The following TBC1D1 variants were observed in gnomAD, a reference collection of about 807,000 sequenced individuals.
TBC1D1 encodes TBC1 domain family member 1.
A neutral mutation model predicts 125.6 loss-of-function variants in TBC1D1; 89 were observed. That is an observed-to-expected ratio of 0.71 (90% CI 0.60 to 0.85). The LOEUF is 0.85. Among genes scored for constraint, TBC1D1 ranks in the 40% least tolerant of loss-of-function variants. The pLI is 0.00. For synonymous variants in TBC1D1, 565 were observed against 564.1 expected, an observed-to-expected ratio of 1.00 and a Z score of -0.02; for missense variants, 1,377 against 1,469.2, an observed-to-expected ratio of 0.94 and a Z score of 1.03.
At chr4:37,985,244 C>T (rs1487670462) in intron 2 of TBC1D1, among the ~76,000 whole-genome samples, 2 of 152,148 alleles carry the variant, frequency 1.3e-5, no homozygotes, top group Non-Finnish European at 2.9e-5. Flanking sequence ...TGAGCCACCG[C>T]GCCCAGCCTA....
intron 15 of TBC1D1, among the ~76,000 whole-genome samples, chr4:38,107,567 G>A (rs1180946624): frequency 1.7e-5 from 2 of 119,616 alleles, no homozygotes; most frequent in East Asian, 5.2e-4. Flanking sequence ...TTGGCTTTTA[G>A]TCTAAACAGG....
At chr4:37,964,149 T>C (rs192412232) in intron 2 of TBC1D1, among the ~76,000 whole-genome samples, 302 of 152,398 alleles carry the variant, frequency 2.0e-3, no homozygotes, top group Non-Finnish European at 3.7e-3. Flanking sequence ...AATGAATTAC[T>C]GCAATGGTGA....
At chr4:38,036,168 T>C (rs1560664135) in intron 8 of TBC1D1, among the ~76,000 whole-genome samples, 2 of 152,186 alleles carry the variant, frequency 1.3e-5, no homozygotes, top group African/African-American at 2.4e-5. Flanking sequence ...GGTTAGAACT[T>C]GGATTAATTC....
rs536170282 is a variant in TBC1D1 at position 37,960,514 on chromosome 4, A to G, written c.418-53995A>G. ...GCTGCCAAGGATGTGCTGAAGCTGG[A>G]GTCTAGACCTTCAATCAAAGCATTA... On this transcript the variant is annotated intron_variant, in intron 2 of 19. Transcript: ENST00000261439. 1.9e-4 allele frequency: 300 copies of G among 1,614,144 alleles called. No homozygotes were observed. The highest frequency in any genetic ancestry group is 2.4e-4 in the Non-Finnish European group (284 of 1,180,024).
chr4:37,961,359 TC>T (rs35155333), intron 2 of TBC1D1, among the ~76,000 whole-genome samples: 94,987 of 151,428 alleles, frequency 0.63, 30,593 homozygotes, highest in East Asian at 0.96. Flanking sequence ...CTTAAGGAGG[TC>T]CTAGCAGCAA....
chr4:37,976,482 G>C (rs558818611), intron 2 of TBC1D1, among the ~76,000 whole-genome samples: 9 of 152,142 alleles, frequency 5.9e-5, no homozygotes, highest in African/African-American at 2.2e-4. Context: ...CAGATATTTA[G>C]GGAACAACAT....
At chr4:37,913,645 G>C (rs183517567) in intron 2 of TBC1D1, among the ~76,000 whole-genome samples, 3 of 151,448 alleles carry the variant, frequency 2.0e-5, no homozygotes, top group Non-Finnish European at 4.4e-5. Context: ...ATATATGTGT[G>C]TGTGTGTGTA....
At chr4:37,980,101 C>A (rs1056906258) in intron 2 of TBC1D1, among the ~76,000 whole-genome samples, 1 of 152,160 alleles carries the variant, frequency 6.6e-6, no homozygotes, top group Non-Finnish European at 1.5e-5. Context: ...GTTTTTCTTG[C>A]ACGATGCATT....
Position 37,967,101 on chromosome 4 carries a change from G to A in TBC1D1, c.418-47408G>A, listed in dbSNP as rs1304517252. Among the ~76,000 whole-genome samples the A allele has an allele frequency of 2.0e-5, 3 of 152,170 alleles. No homozygotes were observed. In the South Asian group the frequency reaches 6.2e-4, roughly 32 times the overall value. Reference sequence around the variant, plus strand: ...CTGTGCAATTCGAATCCAAAATTCAGTGCTGAAGCACATAAATTTAGGCTT... The same window carrying A: ...CTGTGCAATTCGAATCCAAAATTCAATGCTGAAGCACATAAATTTAGGCTT... On this transcript the variant is annotated intron_variant, in intron 2 of 19. Coordinates refer to ENST00000261439, the MANE Select transcript of TBC1D1 (RefSeq NM_015173.4).
chr4:38,024,158 C>G (rs1381236937), intron 6 of TBC1D1, among the ~76,000 whole-genome samples: 1 of 152,216 alleles, frequency 6.6e-6, no homozygotes, highest in Non-Finnish European at 1.5e-5. Context: ...ATATATTCAA[C>G]TGTGTTTTCC....
At chr4:37,943,801 A>G (rs980894581) in intron 2 of TBC1D1, among the ~76,000 whole-genome samples, 7 of 151,810 alleles carry the variant, frequency 4.6e-5, no homozygotes, top group Non-Finnish European at 1.0e-4. Flanking sequence ...TAGCTGGGAG[A>G]AGTTTGATTG....
chr4:38,123,885 A>C (rs1228706041), intron 17 of TBC1D1, among the ~76,000 whole-genome samples: 3 of 152,230 alleles, frequency 2.0e-5, no homozygotes, highest in African/African-American at 7.2e-5. Flanking sequence ...CCATTTGCAC[A>C]GCAGCACCCA....
At chr4:38,100,692 A>G (rs1408380891) in intron 14 of TBC1D1, among the ~76,000 whole-genome samples, 1 of 152,112 alleles carries the variant, frequency 6.6e-6, no homozygotes, top group Non-Finnish European at 1.5e-5. Context: ...GGGGCCCTGT[A>G]TTTCTTCTAC....
chr4:38,101,761 CG>C (rs1352332900), intron 14 of TBC1D1, among the ~76,000 whole-genome samples: 4 of 152,174 alleles, frequency 2.6e-5, no homozygotes, highest in Non-Finnish European at 5.9e-5. Flanking sequence ...AGCTACCAAA[CG>C]TGGGGCAGGT....
At chr4:37,936,156 G>A (rs1440206511) in intron 2 of TBC1D1, among the ~76,000 whole-genome samples, 2 of 152,166 alleles carry the variant, frequency 1.3e-5, no homozygotes, top group East Asian at 1.9e-4. Flanking sequence ...TAAAACTGAC[G>A]ATAGTACTGA....
intron 15 of TBC1D1, among the ~76,000 whole-genome samples, chr4:38,109,767 A>G (rs1761932211): frequency 6.6e-6 from 1 of 152,220 alleles, no homozygotes; most frequent in South Asian, 2.1e-4. Flanking sequence ...TAGTGGGAAG[A>G]CTGATACTGG....
chr4:37,918,294 C>G (rs140721690), intron 2 of TBC1D1, among the ~76,000 whole-genome samples: 1 of 152,268 alleles, frequency 6.6e-6, no homozygotes, highest in Non-Finnish European at 1.5e-5. Context: ...AAAAGAAAAG[C>G]ATGTTTCATA....
intron 17 of TBC1D1, among the ~76,000 whole-genome samples, chr4:38,122,093 G>A (rs924841435): frequency 1.3e-5 from 2 of 152,188 alleles, no homozygotes; most frequent in Non-Finnish European, 2.9e-5. Flanking sequence ...AGGGTTGGAC[G>A]CTTTGAATGG....
chr4:38,017,775 C>T (rs1353763124), intron 3 of TBC1D1, among the ~76,000 whole-genome samples: 1 of 152,156 alleles, frequency 6.6e-6, no homozygotes, highest in East Asian at 1.9e-4. Context: ...CAGCCTTTCA[C>T]AGCCTGCAGG....
Sources: allele counts gnomAD v4.1 joint callset (sites outside exome capture counted in the v4.1 genomes callset), GRCh38; gene constraint gnomAD v4.1.1; transcripts MANE v1.5; gene names NCBI Gene and HGNC (gene_info 2026-07-23, HGNC 2026-07-21).